The following WDR59 variants were observed in gnomAD, a reference collection of about 807,000 sequenced individuals.
WDR59 encodes GATOR2 complex protein WDR59.
A neutral mutation model predicts 131.2 loss-of-function variants in WDR59; 100 were observed. The ratio of observed to expected loss-of-function variants is 0.76; its 90% CI spans 0.65 to 0.90. The LOEUF (loss-of-function observed/expected upper bound fraction) is 0.90, where lower values mean the gene tolerates loss of function less well. Ranked by LOEUF, WDR59 falls within the 40% of genes least tolerant of loss-of-function variation. WDR59 has a pLI of 0.00. For synonymous variants in WDR59, 601 were observed against 466.2 expected (o/e 1.29, Z -3.72); for missense variants, 1,203 against 1,262.2 (o/e 0.95, Z 0.71).
Position 74,984,875 on chromosome 16 carries a change from C to G in WDR59, c.54+89G>C, listed in dbSNP as rs1406125258. 6 of 1,543,440 alleles carry G rather than the reference C, an allele frequency of 3.9e-6. No individual in the cohort carries two copies. In the East Asian group the frequency reaches 1.2e-4, roughly 31 times the overall value. ...CTCAGTACGGGGCCTAGGGTCTCCC[C>G]GTAGCCCCCCGGGACGGAAGCAGCC... is the stretch of plus-strand genomic sequence containing the variant. On this transcript the variant is annotated intron_variant, in intron 1 of 25. Coordinates refer to ENST00000262144, the MANE Select transcript of WDR59 (RefSeq NM_030581.4).
intron 24 of WDR59, 93 bp downstream of exon 24, chr16:74,886,177 C>T: frequency 2.0e-6 from 2 of 1,009,402 alleles, no homozygotes. Context: ...ATTCTGTGTC[C>T]AAAAAAAAAA....
At chr16:74,884,801 G>A (rs554451353) in intron 25 of WDR59, among the ~76,000 whole-genome samples, 2 of 152,192 alleles carry the variant, frequency 1.3e-5, no homozygotes, top group African/African-American at 4.8e-5. Flanking sequence ...ATTTCCCTGG[G>A]GCCTGTCCCT....
At chr16:74,885,960 T>G in intron 24 of WDR59, 165 bp from the exon 25 acceptor site, 1 of 838,200 alleles carries the variant, frequency 1.2e-6, no homozygotes, top group Non-Finnish European at 1.8e-6. Flanking sequence ...GTGGATCACT[T>G]GAGGTCAGGA....
intron 17 of WDR59, among the ~76,000 whole-genome samples, chr16:74,906,044 G>T (rs1965794175): frequency 6.6e-6 from 1 of 151,974 alleles, no homozygotes; most frequent in Admixed American, 6.6e-5. Context: ...GCCGGGCGCG[G>T]TGGCTCACGC....
At chr16:74,924,369 C>CAGCTGAAGTG (rs1490027881) in intron 8 of WDR59, among the ~76,000 whole-genome samples, 1 of 152,210 alleles carries the variant, frequency 6.6e-6, no homozygotes, top group Non-Finnish European at 1.5e-5. Context: ...GTCCTGACTA[C>CAGCTGAAGTG]TCATTACATT....
At chr16:74,908,046 G>A (rs945448655) in intron 17 of WDR59, among the ~76,000 whole-genome samples, 1 of 152,214 alleles carries the variant, frequency 6.6e-6, no homozygotes, top group Middle Eastern at 3.4e-3. Context: ...ATAATGACTA[G>A]ACAGAAACAT....
chr16:74,875,126 G>C (rs534083036), intron 25 of WDR59, among the ~76,000 whole-genome samples: 1 of 152,296 alleles, frequency 6.6e-6, no homozygotes, highest in African/African-American at 2.4e-5. Context: ...TTCAGCAGAG[G>C]GCAGACTGGC....
At chr16:74,896,663 G>C (rs1005006917) in intron 18 of WDR59, among the ~76,000 whole-genome samples, 1 of 151,380 alleles carries the variant, frequency 6.6e-6, no homozygotes, top group Non-Finnish European at 1.5e-5. Context: ...ACAATTTCCT[G>C]ACCTTTAAAA....
intron 1 of WDR59, among the ~76,000 whole-genome samples, chr16:74,978,399 G>C (rs1481141485): frequency 2.6e-5 from 4 of 152,008 alleles, no homozygotes; most frequent in Non-Finnish European, 5.9e-5. Context: ...GGCTGAGATG[G>C]GAGGACACTT....
At chr16:74,981,636 A>T (rs1461994632) in intron 1 of WDR59, among the ~76,000 whole-genome samples, 10 of 12,974 alleles carry the variant, frequency 7.7e-4, no homozygotes, top group East Asian at 1.5e-3. Context: ...ATATATATAT[A>T]TATATATATA....
intron 5 of WDR59, 41 bp downstream of exon 5, chr16:74,949,677 T>A: frequency 6.3e-7 from 1 of 1,586,614 alleles, no homozygotes; most frequent in Non-Finnish European, 8.6e-7. Flanking sequence ...AGGTCCCAAA[T>A]CACCCCCAAC....
intron 3 of WDR59, among the ~76,000 whole-genome samples, chr16:74,955,280 G>A (rs2033229396): frequency 6.6e-6 from 1 of 152,144 alleles, no homozygotes; most frequent in African/African-American, 2.4e-5. Flanking sequence ...CATAACAACA[G>A]GTGGGGAGCA....
At chr16:74,964,209 T>C (rs1279485744) in intron 2 of WDR59, among the ~76,000 whole-genome samples, 1 of 152,096 alleles carries the variant, frequency 6.6e-6, no homozygotes, top group African/African-American at 2.4e-5. Flanking sequence ...TGAAACCCCA[T>C]CTCTACTAAA....
At chr16:74,930,958 G>C (rs1299442594) in intron 8 of WDR59, among the ~76,000 whole-genome samples, 1 of 148,628 alleles carries the variant, frequency 6.7e-6, no homozygotes, top group African/African-American at 2.5e-5. Context: ...ATGTCTCGGA[G>C]CAAGACTCCA....
At chr16:74,976,545 G>A (rs569635802) in intron 1 of WDR59, among the ~76,000 whole-genome samples, 4 of 151,476 alleles carry the variant, frequency 2.6e-5, no homozygotes, top group East Asian at 3.9e-4. Flanking sequence ...GGGTTCGAGC[G>A]ATTCTCCTGC....
chr16:74,933,823 G>A (rs59013581), intron 8 of WDR59, among the ~76,000 whole-genome samples: 5 of 152,174 alleles, frequency 3.3e-5, no homozygotes, highest in African/African-American at 7.2e-5. Context: ...GACCTCAGGC[G>A]ATCCACCCGC....
intron 2 of WDR59, among the ~76,000 whole-genome samples, chr16:74,958,592 C>CGAAAAAAAAA (rs2033408423): frequency 7.6e-5 from 1 of 13,234 alleles, no homozygotes; most frequent in Non-Finnish European, 1.5e-4. Flanking sequence ...GACTCCATCT[C>CGAAAAAAAAA]AAAAAAAAAA....
chr16:74,953,824 AC>A (rs1450044860), intron 3 of WDR59, among the ~76,000 whole-genome samples: 2 of 151,654 alleles, frequency 1.3e-5, no homozygotes, highest in African/African-American at 4.8e-5. Flanking sequence ...ACAGGGCGAA[AC>A]CCTGTCTCTA....
Position 74,949,765 on chromosome 16 carries a change from G to A in WDR59, c.360C>T (p.Leu120=). ...AGGTGTCCACAGAGCTGGTAACCAG[G>A]AGGTCAGGCTCAAACACCGCCCAGT... is the stretch of plus-strand genomic sequence containing the variant. ...DLDWAVFEPD[L]LVTSSVDTYI... The change falls in exon 5 of 26, where the codon CTC becomes CTT. Residue 120 remains leucine, a synonymous_variant. Coordinates refer to ENST00000262144, the MANE Select transcript of WDR59 (RefSeq NM_030581.4). 6.2e-7 allele frequency: 1 copy of A among 1,613,974 alleles called. No homozygotes were observed. Among genetic ancestry groups the A allele is most frequent in the Non-Finnish European group, 8.5e-7 (1 of 1,179,932 alleles).
Sources: allele counts gnomAD v4.1 joint callset (sites outside exome capture counted in the v4.1 genomes callset), GRCh38; gene constraint gnomAD v4.1.1; transcripts MANE v1.5; gene names NCBI Gene and HGNC (gene_info 2026-07-23, HGNC 2026-07-21).